The following NDUFAF7 variants were observed in gnomAD, a reference collection of about 807,000 sequenced individuals.
NDUFAF7 encodes the protein NADH:ubiquinone oxidoreductase complex assembly factor 7, also known as protein arginine methyltransferase NDUFAF7, mitochondrial.
In NDUFAF7, 48 loss-of-function variants were observed where a neutral mutation model predicts 47.2. That is an observed-to-expected ratio of 1.02 (90% CI 0.81 to 1.29). The LOEUF (loss-of-function observed/expected upper bound fraction) is 1.29, where lower values mean the gene tolerates loss of function less well. Among genes scored for constraint, NDUFAF7 ranks in the 50% most tolerant of loss-of-function variants. NDUFAF7 has a pLI of 0.00. For synonymous variants in NDUFAF7, 217 were observed against 190.0 expected (o/e 1.14, Z -1.17); for missense variants, 635 against 537.6 (o/e 1.18, Z -1.79).
chr2:37,241,656 G>C lies in NDUFAF7; in HGVS notation c.487G>C (p.Glu163Gln). ...GGTAGAGGTAAGCCAAAAATTAAGT[G>C]AGATTCAAGCATTGACACTGACTAA... ...HLVEVSQKLS[E>Q]IQALTLTKEK... Residue 163 changes from glutamate to glutamine, a missense_variant, in exon 5 of 10, where the codon GAG (glutamate) becomes CAG (glutamine). By Grantham distance (29) the Glu-to-Gln change is conservative. Transcript: ENST00000002125. 4 of 1,613,964 alleles carry C rather than the reference G, an allele frequency of 2.5e-6. No individual in the cohort carries two copies. Among genetic ancestry groups the C allele is most frequent in the Non-Finnish European group, 3.4e-6 (4 of 1,180,010 alleles).
chr2:37,233,794 T>G (rs193043052), intron 2 of NDUFAF7, among the ~76,000 whole-genome samples: 2 of 152,254 alleles, frequency 1.3e-5, no homozygotes, highest in Admixed American at 1.3e-4. Context: ...CTCTAAAATG[T>G]AGAGGCTCTT....
downstream of NDUFAF7, chr2:37,253,193 A>T (rs575223074): frequency 1.2e-5 from 19 of 1,603,294 alleles, 1 homozygote; most frequent in African/African-American, 2.1e-4. Flanking sequence ...ATCTTCTTCC[A>T]TATCATCTGG....
At position 37,241,703 on chromosome 2, in the gene NDUFAF7, A is replaced by T; in HGVS notation, c.534A>T (p.Arg178=). The T allele has an allele frequency of 5.0e-6, 8 of 1,614,070 alleles. No homozygotes were observed. Among genetic ancestry groups the T allele is most frequent in the Non-Finnish European group, 6.8e-6 (8 of 1,179,992 alleles). ...TLTKEKVPLE[R]NAGSPVYMKG... is the part of the protein sequence containing the mutation. The stretch of plus-strand genomic sequence containing the variant: ...CTAAAGAGAAGGTCCCGTTAGAGCG[A>T]AATGCTGGATCCCCAGTGTATATGA... The change falls in exon 5 of 10, where the codon CGA becomes CGT. Residue 178 remains arginine, a synonymous_variant. Coordinates refer to ENST00000002125, the MANE Select transcript of NDUFAF7 (RefSeq NM_144736.5).
At chr2:37,265,570 C>T in the NDUFAF7 span, among the ~76,000 whole-genome samples, 36 of 152,230 alleles carry the variant, frequency 2.4e-4, no homozygotes, top group South Asian at 3.5e-3. Context: ...GGTTTGCAGA[C>T]AGACTTAGAT....
chr2:37,244,619 CT>C (rs1038593265), intron 7 of NDUFAF7, among the ~76,000 whole-genome samples: 12 of 151,176 alleles, frequency 7.9e-5, no homozygotes, highest in African/African-American at 2.4e-4. Flanking sequence ...CAGACTGCCT[CT>C]TTTTTTTTAA....
chr2:37,246,322 A>T, intron 8 of NDUFAF7, 127 bp downstream of exon 8: 1 of 1,126,398 alleles, frequency 8.9e-7, no homozygotes, highest in Non-Finnish European at 1.3e-6. Flanking sequence ...ACATTAATTC[A>T]TGTTATTGTA....
In NDUFAF7 at chr2:37,241,791, G is replaced by C. The variant is rs750443627; in HGVS notation, c.622G>C (p.Gly208Arg). 1.9e-6 allele frequency: 3 copies of C among 1,612,428 alleles called. No individual in the cohort carries two copies. The highest frequency in any genetic ancestry group is 2.5e-6 in the Non-Finnish European group (3 of 1,179,506). Reference sequence around the variant, plus strand: ...CCGAGATCTGCACGATGTTCCAAAAGGTAATTACCTTTATGTGGATTAATG... The same window carrying C: ...CCGAGATCTGCACGATGTTCCAAAACGTAATTACCTTTATGTGGATTAATG... ...WYRDLHDVPK[G>R]YSFYLAHEFF... Residue 208 changes from glycine (G) to arginine (R), a missense_variant and splice_region_variant, in exon 5 of 10, where the codon GGG (glycine) becomes CGG (arginine). Gly to Arg is a moderately radical substitution (Grantham distance 125). Transcript: ENST00000002125.
chr2:37,258,046 G>T (rs1380103003), downstream of NDUFAF7, among the ~76,000 whole-genome samples: 1 of 152,198 alleles, frequency 6.6e-6, no homozygotes, highest in African/African-American at 2.4e-5. Context: ...AAATCTGGGG[G>T]ATTAATGACC....
At chr2:37,234,916 C>T (rs940474694) in intron 2 of NDUFAF7, among the ~76,000 whole-genome samples, 1 of 152,066 alleles carries the variant, frequency 6.6e-6, no homozygotes, top group East Asian at 1.9e-4. Context: ...GCCCATGTCA[C>T]CTGTAGTAAG....
downstream of NDUFAF7, among the ~76,000 whole-genome samples, chr2:37,258,151 AG>A (rs1339384682): frequency 1.3e-5 from 2 of 152,204 alleles, no homozygotes; most frequent in African/African-American, 4.8e-5. Flanking sequence ...ATAAATTGAG[AG>A]GAAAAAGATT....
chr2:37,267,310 T>TA, the NDUFAF7 span: 1 of 619,898 alleles, frequency 1.6e-6, no homozygotes, highest in Non-Finnish European at 2.7e-6. Flanking sequence ...GCAGTCCCTA[T>TA]AATGCCTATA....
chr2:37,235,997 A>G, intron 2 of NDUFAF7, 99 bp from the exon 3 acceptor site: 1 of 1,064,848 alleles, frequency 9.4e-7, no homozygotes, highest in Non-Finnish European at 1.5e-6. Flanking sequence ...CTTACTAAAT[A>G]ATTATTTCAC....
the NDUFAF7 span, chr2:37,269,806 TA>T: frequency 2.7e-6 from 2 of 727,948 alleles, no homozygotes; most frequent in Non-Finnish European, 4.4e-6. Context: ...CTAATTTCCA[TA>T]AAGTGCAAAC....
downstream of NDUFAF7, among the ~76,000 whole-genome samples, chr2:37,249,667 C>CACAT (rs945800673): frequency 4.0e-5 from 6 of 151,424 alleles, no homozygotes; most frequent in African/African-American, 1.5e-4. Flanking sequence ...CACACACACA[C>CACAT]ACACACACAC....
At chr2:37,242,343 C>T in intron 5 of NDUFAF7, 1 of 302,218 alleles carries the variant, frequency 3.3e-6, no homozygotes, top group South Asian at 3.5e-5. Flanking sequence ...TTTATGAAAT[C>T]AAATTCCCTT....
the NDUFAF7 span, among the ~76,000 whole-genome samples, chr2:37,270,414 A>C: frequency 6.7e-6 from 1 of 149,762 alleles, no homozygotes; most frequent in Non-Finnish European, 1.5e-5. Flanking sequence ...TGAGAGACTG[A>C]AGAAAAGAAT....
intron 2 of NDUFAF7, among the ~76,000 whole-genome samples, chr2:37,233,361 G>A (rs1248638883): frequency 1.3e-5 from 2 of 152,218 alleles, no homozygotes; most frequent in East Asian, 1.9e-4. Flanking sequence ...CGGACGTGGC[G>A]GCTCACGCCT....
At chr2:37,245,925 A>G in intron 7 of NDUFAF7, 127 bp from the exon 8 acceptor site, 1 of 1,060,918 alleles carries the variant, frequency 9.4e-7, no homozygotes, top group South Asian at 1.5e-5. Flanking sequence ...TGTAGAGAAC[A>G]TACTCATATT....
At chr2:37,257,666 C>CAAAAAAAA (rs1491483662), downstream of NDUFAF7, among the ~76,000 whole-genome samples, 2 of 62,436 alleles carry the variant, frequency 3.2e-5, no homozygotes, top group Admixed American at 1.8e-4. Context: ...GACTCTGTCT[C>CAAAAAAAA]AAAAGAAAAA....
Sources: allele counts gnomAD v4.1 joint callset (sites outside exome capture counted in the v4.1 genomes callset), GRCh38; gene constraint gnomAD v4.1.1; transcripts MANE v1.5; gene names NCBI Gene and HGNC (gene_info 2026-07-23, HGNC 2026-07-21).